Variants in ZNF407 observed in about 807,000 individuals in gnomAD.
ZNF407 encodes zinc finger protein 407.
In ZNF407, 17 loss-of-function variants were observed where a neutral mutation model predicts 131.2. The observed-to-expected ratio is 0.13, with a 90% CI of 0.09 to 0.19. ZNF407 has a LOEUF of 0.19. ZNF407 is among the 10% of genes least tolerant of loss of function. The pLI, the probability that ZNF407 is intolerant of heterozygous loss-of-function variation, is 1.00. For missense variants in ZNF407, 2,681 were observed against 2,830.6 expected (o/e 0.95, Z 1.20); for synonymous variants, 1,156 against 1,062.0 (o/e 1.09, Z -1.72).
At position 74,633,460 on chromosome 18, in the gene ZNF407, G is replaced by C; in HGVS notation, c.2441G>C (p.Gly814Ala). The C allele has an allele frequency of 1.9e-6, 3 of 1,613,940 alleles. No homozygotes were observed. The highest frequency in any genetic ancestry group is 2.5e-6 in the Non-Finnish European group (3 of 1,179,868). Residue 814 changes from glycine to alanine, a missense_variant, in exon 2 of 9, where the codon GGC becomes GCC. Physicochemically the swap from Gly to Ala is moderately conservative, Grantham distance 60. Coordinates refer to ENST00000299687, the MANE Select transcript of ZNF407 (RefSeq NM_017757.3). ...QLQEHSYLEKGMLASEELSQS... is the reference protein window; with the variant it reads ...QLQEHSYLEKAMLASEELSQS... ...CAAGAGCATTCCTATCTTGAGAAGG[G>C]CATGCTGGCGTCTGAGGAACTGTCA...
In ZNF407 at chr18:74,767,575, A is replaced by G. The variant is rs567085452; in HGVS notation, c.4803-13853A>G. Among the ~76,000 whole-genome samples, 10 of 151,572 alleles carry G rather than the reference A, an allele frequency of 6.6e-5. No homozygotes were observed. In the East Asian group the frequency reaches 1.9e-3, roughly 29 times the overall value. On this transcript the variant is annotated intron_variant, in intron 3 of 8. Transcript: ENST00000299687. Reference sequence around the variant, plus strand: ...CCTCAATACAAGACACAGAGGATATATTATCTGCATATATATCTCATGTTA... The same window carrying G: ...CCTCAATACAAGACACAGAGGATATGTTATCTGCATATATATCTCATGTTA...
intron 7 of ZNF407, among the ~76,000 whole-genome samples, chr18:74,911,070 T>C (rs933875518): frequency 6.6e-6 from 1 of 152,254 alleles, no homozygotes; most frequent in Non-Finnish European, 1.5e-5. Context: ...TCGTGGTGTG[T>C]ATTATGAATG....
Position 74,911,679 on chromosome 18 carries a change from C to T in ZNF407, c.5250-8835C>T, listed in dbSNP as rs147092558. 2.7e-3 allele frequency among the ~76,000 whole-genome samples: 418 copies of T among 152,220 alleles called. 1 individual carries two copies. The highest frequency in any genetic ancestry group is 9.2e-3 in the African/African-American group (381 of 41,516). On this transcript the variant is annotated intron_variant, in intron 7 of 8. Coordinates refer to ENST00000299687, the MANE Select transcript of ZNF407 (RefSeq NM_017757.3). Reference sequence around the variant, plus strand: ...GCCTCCCCCTTCAGCTAAACTACTACTATTATTTTCAATGAATCTTTGTAA... The same window carrying T: ...GCCTCCCCCTTCAGCTAAACTACTATTATTATTTTCAATGAATCTTTGTAA...
chr18:74,809,820 G>T (rs930485804), intron 4 of ZNF407, among the ~76,000 whole-genome samples: 1 of 152,168 alleles, frequency 6.6e-6, no homozygotes, highest in Admixed American at 6.5e-5. Flanking sequence ...AGGAGTGAAA[G>T]GAATTAGTTC....
chr18:74,646,384 G>A (rs1984973820), intron 3 of ZNF407, among the ~76,000 whole-genome samples: 1 of 152,216 alleles, frequency 6.6e-6, no homozygotes, highest in Non-Finnish European at 1.5e-5. Context: ...GCTTATAACA[G>A]TATAAAGTGC....
chr18:75,054,493 A>C (rs1163351074), intron 8 of ZNF407, among the ~76,000 whole-genome samples: 5 of 152,246 alleles, frequency 3.3e-5, no homozygotes, highest in Non-Finnish European at 7.3e-5. Context: ...CCAGAAAAAG[A>C]AAAAGGAAAA....
chr18:74,786,176 C>T (rs1249042386), intron 4 of ZNF407, among the ~76,000 whole-genome samples: 3 of 152,294 alleles, frequency 2.0e-5, no homozygotes, highest in Admixed American at 1.3e-4. Flanking sequence ...GTTCTTGTTG[C>T]ATATATTTCA....
chr18:74,647,843 G>A (rs777382279), intron 3 of ZNF407, among the ~76,000 whole-genome samples: 3 of 152,182 alleles, frequency 2.0e-5, no homozygotes, highest in Non-Finnish European at 2.9e-5. Context: ...ACACAAGGCT[G>A]GGAGGACGAG....
At chr18:75,010,785 T>A (rs1972965416) in intron 8 of ZNF407, among the ~76,000 whole-genome samples, 1 of 152,180 alleles carries the variant, frequency 6.6e-6, no homozygotes, top group South Asian at 2.1e-4. Context: ...ATAACGGTTT[T>A]CACATGCCTC....
intron 4 of ZNF407, among the ~76,000 whole-genome samples, chr18:74,849,245 AT>A (rs1385130339): frequency 1.3e-5 from 2 of 151,044 alleles, no homozygotes; most frequent in Admixed American, 1.3e-4. Context: ...CACCCAGATA[AT>A]TTTTTGTATT....
intron 3 of ZNF407, among the ~76,000 whole-genome samples, chr18:74,717,780 T>C (rs1268089130): frequency 6.6e-6 from 1 of 152,254 alleles, no homozygotes; most frequent in African/African-American, 2.4e-5. Context: ...ATACTGGCAT[T>C]ATATAATATA....
chr18:74,822,511 T>C (rs1411982958), intron 4 of ZNF407, among the ~76,000 whole-genome samples: 1 of 152,248 alleles, frequency 6.6e-6, no homozygotes, highest in Admixed American at 6.5e-5. Flanking sequence ...ACACCATTTA[T>C]TAAATAGGGA....
chr18:74,910,397 C>T (rs1971653627), intron 7 of ZNF407, among the ~76,000 whole-genome samples: 1 of 152,042 alleles, frequency 6.6e-6, no homozygotes, highest in Non-Finnish European at 1.5e-5. Flanking sequence ...GACTCTCCCT[C>T]CAGCTCCCCA....
chr18:75,015,286 T>C (rs910024649), intron 8 of ZNF407, among the ~76,000 whole-genome samples: 1 of 151,978 alleles, frequency 6.6e-6, no homozygotes, highest in Middle Eastern at 3.4e-3. Flanking sequence ...TGTGTAAAAT[T>C]ACTCTCAGCA....
intron 3 of ZNF407, among the ~76,000 whole-genome samples, chr18:74,732,491 G>T (rs1968316487): frequency 6.6e-6 from 1 of 152,152 alleles, no homozygotes; most frequent in African/African-American, 2.4e-5. Flanking sequence ...AAGCCAAGAT[G>T]AGAGTTCTTC....
intron 4 of ZNF407, among the ~76,000 whole-genome samples, chr18:74,851,289 C>T (rs1223364338): frequency 6.6e-6 from 1 of 152,140 alleles, no homozygotes; most frequent in Non-Finnish European, 1.5e-5. Context: ...TATTCCTGTG[C>T]ATACTTATGT....
Position 75,048,368 on chromosome 18 carries a change from G to A in ZNF407, c.5429-14782G>A, listed in dbSNP as rs1218532242. On this transcript the variant is annotated intron_variant, in intron 8 of 8. Transcript: ENST00000299687. The surrounding 1 kb of genome is among the most constrained non-coding windows in gnomAD (Gnocchi z 4.1). ...CTTCCCTTCCATGACCTCAGGTCTTGACTTTTTGGCTTTCTTGACTGGCTC... is the reference window on the plus strand; with the variant it reads ...CTTCCCTTCCATGACCTCAGGTCTTAACTTTTTGGCTTTCTTGACTGGCTC... Among the ~76,000 whole-genome samples the A allele has an allele frequency of 6.6e-6, 1 of 152,202 alleles. No homozygotes were observed. Among genetic ancestry groups the A allele is most frequent in the African/African-American group, 2.4e-5 (1 of 41,436 alleles).
chr18:74,920,509 G>T lies in ZNF407; in HGVS notation c.5250-5G>T. On this transcript the variant is annotated splice_polypyrimidine_tract_variant and splice_region_variant and intron_variant, in intron 7 of 8. Coordinates refer to ENST00000299687, the MANE Select transcript of ZNF407 (RefSeq NM_017757.3). ...TTAGATTTACTTTTCTGTCTTACTT[G>T]GTAGGTCAAACTGTGCTGAAAATAT... 1 of 1,566,516 alleles carries T rather than the reference G, an allele frequency of 6.4e-7. No individual in the cohort carries two copies. The highest frequency in any genetic ancestry group is 1.4e-5 in the African/African-American group (1 of 73,974).
rs139062878 is a variant in ZNF407 at position 74,648,462 on chromosome 18, G to GT, written c.4802+7346dup. On this transcript the variant is annotated intron_variant, in intron 3 of 8. Transcript: ENST00000299687. ...CTTTCCCTCTGCTTTCCATCAACTCGTTTTTTCGCTTGTCTTTCTTCCCAG... is the reference window on the plus strand; with the variant it reads ...CTTTCCCTCTGCTTTCCATCAACTCGTTTTTTTCGCTTGTCTTTCTTCCCAG... Among the ~76,000 whole-genome samples the GT allele has an allele frequency of 6.1e-3, 927 of 152,172 alleles. 12 individuals are homozygous for GT. Among genetic ancestry groups the GT allele is most frequent in the African/African-American group, 0.021 (872 of 41,508 alleles).
Sources: gnomAD v4.1 joint callset for allele counts (sites outside exome capture counted in the v4.1 genomes callset) on GRCh38, gnomAD v4.1.1 for gene constraint, Gnocchi (gnomAD v3.1) non-coding constraint, MANE v1.5 for transcripts, NCBI Gene and HGNC (gene_info 2026-07-23, HGNC 2026-07-21) for gene names.